The following ASAP1 variants were observed in gnomAD, a reference collection of about 807,000 sequenced individuals.
ASAP1 encodes ArfGAP with SH3 domain, ankyrin repeat and PH domain 1, also known as arf-GAP with SH3 domain, ANK repeat and PH domain-containing protein 1.
Under a neutral mutation model 145.2 loss-of-function variants are expected in ASAP1, and 43 were observed. The observed-to-expected ratio is 0.30, with a 90% confidence interval of 0.23 to 0.38. The LOEUF is 0.38. ASAP1 is among the 10% of genes least tolerant of loss of function. ASAP1 has a pLI of 1.00. For missense variants in ASAP1, 1,018 were observed against 1,355.3 expected, an observed-to-expected ratio of 0.75 and a Z score of 3.91; for synonymous variants, 546 against 515.5, an observed-to-expected ratio of 1.06 and a Z score of -0.80.
intron 5 of ASAP1, among the ~76,000 whole-genome samples, chr8:130,211,571 A>G (rs1466608046): frequency 1.3e-5 from 2 of 152,246 alleles, no homozygotes; most frequent in African/African-American, 4.8e-5. Context: ...ACAAATAACA[A>G]ATGTTTTTCT....
chr8:130,393,038 GTTATA>G (rs1334889344), intron 2 of ASAP1, among the ~76,000 whole-genome samples: 1 of 152,128 alleles, frequency 6.6e-6, no homozygotes, highest in Non-Finnish European at 1.5e-5. Context: ...TAACATGACA[GTTATA>G]TTATGAGTGT....
chr8:130,285,118 G>C (rs1470475639), intron 3 of ASAP1, among the ~76,000 whole-genome samples: 1 of 152,066 alleles, frequency 6.6e-6, no homozygotes, highest in East Asian at 1.9e-4. Flanking sequence ...AATTAGTTCA[G>C]AGAACACCAG....
chr8:130,418,024 C>A (rs1025641970), intron 1 of ASAP1, among the ~76,000 whole-genome samples: 3 of 152,168 alleles, frequency 2.0e-5, no homozygotes, highest in African/African-American at 7.2e-5. Flanking sequence ...GTCAGCTCCA[C>A]AAGACCCACA....
At chr8:130,408,033 G>A (rs1047942515) in intron 1 of ASAP1, among the ~76,000 whole-genome samples, 4 of 152,152 alleles carry the variant, frequency 2.6e-5, no homozygotes, top group South Asian at 2.1e-4. Context: ...TTTGTGATAC[G>A]ATTCCTCTTA....
At chr8:130,379,261 C>T (rs1318294929) in intron 2 of ASAP1, among the ~76,000 whole-genome samples, 1 of 152,168 alleles carries the variant, frequency 6.6e-6, no homozygotes, top group Non-Finnish European at 1.5e-5. Context: ...ATACCTGGCC[C>T]TAGCATCGCT....
chr8:130,203,269 A>C (rs150123419), intron 5 of ASAP1, among the ~76,000 whole-genome samples: 1 of 152,238 alleles, frequency 6.6e-6, no homozygotes, highest in South Asian at 2.1e-4. Context: ...TCTTGCTCCC[A>C]GGCAAGAAGA....
intron 3 of ASAP1, among the ~76,000 whole-genome samples, chr8:130,271,411 C>T (rs922442487): frequency 1.3e-5 from 2 of 152,158 alleles, no homozygotes; most frequent in Admixed American, 1.3e-4. Flanking sequence ...TTTTTCTTTA[C>T]CAAGAAATTA....
chr8:130,241,843 T>C (rs1565126306), intron 3 of ASAP1, among the ~76,000 whole-genome samples: 1 of 152,178 alleles, frequency 6.6e-6, no homozygotes, highest in Non-Finnish European at 1.5e-5. Flanking sequence ...CCACTATTCA[T>C]TAAGACTTTC....
intron 5 of ASAP1, among the ~76,000 whole-genome samples, chr8:130,199,950 T>C (rs1019812835): frequency 2.6e-5 from 4 of 152,252 alleles, no homozygotes; most frequent in East Asian, 3.9e-4. Context: ...ATGTTCACTA[T>C]GAAACTTCTG....
At chr8:130,106,921 C>T (rs953305377) in intron 24 of ASAP1, among the ~76,000 whole-genome samples, 6 of 152,216 alleles carry the variant, frequency 3.9e-5, no homozygotes, top group African/African-American at 2.4e-5. Flanking sequence ...CTTCCTTCTT[C>T]TTTACATTTC....
chr8:130,076,654 G>A (rs1051321410), intron 26 of ASAP1, among the ~76,000 whole-genome samples: 2 of 151,922 alleles, frequency 1.3e-5, no homozygotes, highest in Non-Finnish European at 2.9e-5. Context: ...CTGAGTAGCT[G>A]GGATTACAGG....
At chr8:130,292,009 GC>G (rs1348559483) in intron 3 of ASAP1, among the ~76,000 whole-genome samples, 2 of 152,162 alleles carry the variant, frequency 1.3e-5, no homozygotes, top group Admixed American at 1.3e-4. Flanking sequence ...TCTTTAAAAT[GC>G]TTTCCTAAAA....
At chr8:130,302,202 G>A (rs1371821861) in intron 3 of ASAP1, among the ~76,000 whole-genome samples, 1 of 152,210 alleles carries the variant, frequency 6.6e-6, no homozygotes, top group African/African-American at 2.4e-5. Context: ...ACCTTAATCA[G>A]TAAAAAGGCA....
At chr8:130,127,777 G>T in intron 16 of ASAP1, 150 bp downstream of exon 16, 1 of 904,438 alleles carries the variant, frequency 1.1e-6, no homozygotes, top group Non-Finnish European at 1.6e-6. Context: ...GCAGCTCAGC[G>T]GTAGGAAAAA....
At chr8:130,224,647 C>T (rs1272702344) in intron 4 of ASAP1, among the ~76,000 whole-genome samples, 1 of 151,966 alleles carries the variant, frequency 6.6e-6, no homozygotes, top group Non-Finnish European at 1.5e-5. Flanking sequence ...TTGCTTTTTT[C>T]CTATGGAATA....
At chr8:130,262,938 AC>A (rs1472133805) in intron 3 of ASAP1, among the ~76,000 whole-genome samples, 1 of 152,206 alleles carries the variant, frequency 6.6e-6, no homozygotes, top group Non-Finnish European at 1.5e-5. Context: ...TCTGCCCTGG[AC>A]CAAGAGAGAA....
At chr8:130,326,342 T>G (rs928987499) in intron 3 of ASAP1, among the ~76,000 whole-genome samples, 1 of 152,260 alleles carries the variant, frequency 6.6e-6, no homozygotes, top group Admixed American at 6.5e-5. Flanking sequence ...TGAATTCACC[T>G]GCCTGCAATG....
intron 29 of ASAP1, 119 bp downstream of exon 29, chr8:130,057,835 G>T: frequency 7.7e-7 from 1 of 1,290,446 alleles, no homozygotes; most frequent in Non-Finnish European, 1.1e-6. Flanking sequence ...TGATGCAGCT[G>T]ACAGGGTCCT....
intron 9 of ASAP1, 83 bp from the exon 10 acceptor site, chr8:130,169,150 A>C (rs753549753): frequency 9.8e-6 from 8 of 816,788 alleles, no homozygotes; most frequent in Non-Finnish European, 1.4e-5. Context: ...AAAAAAAGGA[A>C]CTATAATAAC....
Sources: allele counts gnomAD v4.1 joint callset (sites outside exome capture counted in the v4.1 genomes callset), GRCh38; gene constraint gnomAD v4.1.1; transcripts MANE v1.5; gene names NCBI Gene and HGNC (gene_info 2026-07-23, HGNC 2026-07-21).